NPR1: variants seen among roughly 807,000 people sequenced by gnomAD.
NPR1 encodes the protein atrial natriuretic peptide receptor 1.
NPR1 carries 57 observed loss-of-function variants against 116.9 expected under a neutral mutation model. The observed-to-expected ratio is 0.49, with a 90% confidence interval of 0.39 to 0.61. The LOEUF (loss-of-function observed/expected upper bound fraction) is 0.61. NPR1 is among the 20% of genes least tolerant of loss of function. The pLI is 0.00. For missense variants in NPR1, 1,096 were observed against 1,409.8 expected, an observed-to-expected ratio of 0.78 and a Z score of 3.56; for synonymous variants, 555 against 601.6, an observed-to-expected ratio of 0.92 and a Z score of 1.13.
At chr1:153,683,616 A>G (rs1364312830) in intron 6 of NPR1, 105 bp downstream of exon 6, 1 of 1,556,624 alleles carries the variant, frequency 6.4e-7, no homozygotes, top group African/African-American at 1.4e-5. Context: ...CTTTCTGGAG[A>G]ATGACTCCTG....
intron 14 of NPR1, 81 bp from the exon 15 acceptor site, chr1:153,687,972 G>T: frequency 8.7e-7 from 1 of 1,153,234 alleles, no homozygotes; most frequent in South Asian, 1.4e-5. Context: ...GACTTCCCCT[G>T]CCATCTCAGC....
At chr1:153,693,080 C>T in intron 20 of NPR1, 26 bp from the exon 21 acceptor site, 1 of 1,582,646 alleles carries the variant, frequency 6.3e-7, no homozygotes. Context: ...CATTGCTCAC[C>T]TTCCCTTCTC....
chr1:153,681,424 C>G, intron 3 of NPR1, 131 bp downstream of exon 3: 1 of 669,886 alleles, frequency 1.5e-6, no homozygotes, highest in Non-Finnish European at 2.6e-6. Context: ...CCATGTTTCT[C>G]GTGATGATGG....
At position 153,682,513 on chromosome 1, in the gene NPR1, T is replaced by C. The variant is rs2101730476; in HGVS notation, c.1187T>C (p.Leu396Pro). ...ATGTCCTCAGGTGTGACAGGATACC[T>C]GAAAATTGATAGCAGTGGCGATCGG... ...NRSFQGVTGY[L>P]KIDSSGDRET... Residue 396 changes from leucine to proline, a missense_variant, in exon 5 of 22, where the codon CTG becomes CCG. Coordinates refer to ENST00000368680, the MANE Select transcript of NPR1 (RefSeq NM_000906.4). 1 of 1,613,924 alleles carries C rather than the reference T, an allele frequency of 6.2e-7. No individual in the cohort carries two copies. Among genetic ancestry groups the C allele is most frequent in the Non-Finnish European group, 8.5e-7 (1 of 1,179,802 alleles).
Position 153,684,529 on chromosome 1 carries a change from C to T in NPR1, c.1485-435C>T, listed in dbSNP as rs190577387. On this transcript the variant is annotated intron_variant, in intron 7 of 21. Transcript: ENST00000368680. Reference sequence around the variant, plus strand: ...GCCTCAGCCTCCCATGTAGCTGGGACTACAGGCACATGCCACCACGCTCAG... The same window carrying T: ...GCCTCAGCCTCCCATGTAGCTGGGATTACAGGCACATGCCACCACGCTCAG... Among the ~76,000 whole-genome samples, 16 of 151,398 alleles carry T rather than the reference C, an allele frequency of 1.1e-4. No homozygotes were observed. The East Asian group carries it at 2.2e-3, about 20-fold the overall frequency.
At position 153,693,072 on chromosome 1, in the gene NPR1, T is replaced by C. The variant is rs748068716; in HGVS notation, c.3032-34T>C. The C allele has an allele frequency of 3.2e-6, 5 of 1,550,696 alleles. No individual in the cohort carries two copies. In the East Asian group the frequency reaches 9.0e-5, roughly 28 times the overall value. ...TACTTTCCTGCTCTCCTCTCTCACA[T>C]TGCTCACCTTCCCTTCTCCCCTGTC... On this transcript the variant is annotated intron_variant, in intron 20 of 21. Transcript: ENST00000368680.
chr1:153,686,805 T>C, intron 11 of NPR1, 55 bp downstream of exon 11: 1 of 1,511,932 alleles, frequency 6.6e-7, no homozygotes, highest in East Asian at 2.3e-5. Flanking sequence ...GCTCTGCCCC[T>C]GACTGGCCAT....
chr1:153,683,626 G>C, intron 6 of NPR1, 114 bp from the exon 7 acceptor site: 1 of 1,550,860 alleles, frequency 6.4e-7, no homozygotes, highest in East Asian at 2.2e-5. Flanking sequence ...AATGACTCCT[G>C]CCTTTTTCTT....
At chr1:153,690,131 TC>T in intron 19 of NPR1, 151 bp downstream of exon 19, 1 of 600,530 alleles carries the variant, frequency 1.7e-6, no homozygotes, top group South Asian at 2.2e-5. Context: ...TCTCTCTCTC[TC>T]TCTCTCTCTC....
intron 4 of NPR1, 23 bp downstream of exon 4, chr1:153,681,862 A>G: frequency 6.2e-7 from 1 of 1,612,136 alleles, no homozygotes; most frequent in South Asian, 1.1e-5. Flanking sequence ...AGGTGGCTGG[A>G]ATGGGCTGCC....
rs1488164008 is a variant in NPR1, at chr1:153,684,980, A to G, written c.1501A>G (p.Lys501Glu). The G allele has an allele frequency of 1.9e-6, 3 of 1,614,018 alleles. No individual in the cohort carries two copies. Among genetic ancestry groups the G allele is most frequent in the Non-Finnish European group, 2.5e-6 (3 of 1,179,960 alleles). ...FFIYRKMQLE[K>E]ELASELWRVR... is the part of the protein sequence containing the mutation. The stretch of plus-strand genomic sequence containing the variant: ...GTATCCCAGGAAGATGCAGCTGGAG[A>G]AGGAACTGGCCTCGGAGCTGTGGCG... The change falls in exon 8 of 22, where the codon AAG becomes GAG. Residue 501 changes from lysine (K) to glutamate (E), a missense_variant. Lys to Glu is a moderately conservative substitution (Grantham distance 56). Coordinates refer to ENST00000368680, the MANE Select transcript of NPR1 (RefSeq NM_000906.4).
chr1:153,691,656 G>C (rs751806143), intron 20 of NPR1, among the ~76,000 whole-genome samples: 1 of 152,110 alleles, frequency 6.6e-6, no homozygotes, highest in Admixed American at 6.6e-5. Context: ...CAGCACTTTG[G>C]GAGGCCGAGG....
chr1:153,692,615 C>A (rs1244148858), intron 20 of NPR1, among the ~76,000 whole-genome samples: 1 of 151,492 alleles, frequency 6.6e-6, no homozygotes, highest in Non-Finnish European at 1.5e-5. Context: ...CAGGTTCAAG[C>A]GATTCTCCTG....
chr1:153,685,983 G>T, intron 9 of NPR1, 103 bp downstream of exon 9: 1 of 1,385,832 alleles, frequency 7.2e-7, no homozygotes, highest in Non-Finnish European at 1.0e-6. Context: ...CTGGTGGGGA[G>T]CAGCAGATGG....
chr1:153,686,271 A>C, intron 10 of NPR1, 71 bp downstream of exon 10: 1 of 1,431,654 alleles, frequency 7.0e-7, no homozygotes, highest in Non-Finnish European at 9.8e-7. Context: ...GGCCAACAGA[A>C]CTAGTTATGG....
chr1:153,686,726 G>T lies in NPR1; in HGVS notation c.1839G>T (p.Glu613Asp). ...CCCCCAATATCTGCATCCTCACAGA[G>T]TACTGTCCCCGTGGGAGCCTGCAGG... ...TDPPNICILT[E>D]YCPRGSLQDI... Residue 613 changes from glutamate to aspartate, a missense_variant, in exon 11 of 22, where the codon GAG (glutamate) becomes GAT (aspartate). By Grantham distance (45) the Glu-to-Asp change is conservative (BLOSUM62 2). Coordinates refer to ENST00000368680, the MANE Select transcript of NPR1 (RefSeq NM_000906.4). 1 of 1,613,960 alleles carries T rather than the reference G, an allele frequency of 6.2e-7. No homozygotes were observed. The highest frequency in any genetic ancestry group is 8.5e-7 in the Non-Finnish European group (1 of 1,179,918).
At chr1:153,688,924 C>T in intron 15 of NPR1, 29 bp from the exon 16 acceptor site, 2 of 1,613,504 alleles carry the variant, frequency 1.2e-6, no homozygotes, top group South Asian at 1.1e-5. Context: ...TCCTCTCTTA[C>T]CACCCCCACC....
At position 153,693,367 on chromosome 1, in the gene NPR1, C is replaced by T. The variant is rs750625374; in HGVS notation, c.3139C>T (p.Arg1047Trp). The T allele has an allele frequency of 4.4e-5, 71 of 1,613,110 alleles. No individual in the cohort carries two copies. The highest frequency in any genetic ancestry group is 5.7e-5 in the Non-Finnish European group (67 of 1,179,566). Residue 1047 changes from arginine (R) to tryptophan (W), a missense_variant, in exon 22 of 22, where the codon CGG becomes TGG. Transcript: ENST00000368680. ...DVEMKGKGKV[R>W]TYWLLGERGS... ...TTCCCTCCAGGGCAAAGGCAAGGTT[C>T]GGACCTACTGGCTCCTTGGGGAGAG...
intron 5 of NPR1, 56 bp downstream of exon 5, chr1:153,682,645 A>G: frequency 1.5e-6 from 2 of 1,321,236 alleles, no homozygotes; most frequent in Non-Finnish European, 2.2e-6. Flanking sequence ...TCACCCTCCT[A>G]CTTCCCCCCC....
Sources: allele counts gnomAD v4.1 joint callset (sites outside exome capture counted in the v4.1 genomes callset), GRCh38; gene constraint gnomAD v4.1.1; transcripts MANE v1.5; gene names NCBI Gene and HGNC (gene_info 2026-07-23, HGNC 2026-07-21).